Variants in JAKMIP3 observed in about 807,000 individuals in gnomAD.
JAKMIP3 encodes the protein Janus kinase and microtubule interacting protein 3.
A neutral mutation model predicts 118.5 loss-of-function variants in JAKMIP3; 58 were observed. The ratio of observed to expected loss-of-function variants is 0.49; its 90% confidence interval spans 0.40 to 0.61. The LOEUF (loss-of-function observed/expected upper bound fraction) is 0.61, where lower values mean the gene tolerates loss of function less well. Ranked by LOEUF, JAKMIP3 falls within the 20% of genes least tolerant of loss-of-function variation. JAKMIP3 has a pLI of 0.00. For missense variants in JAKMIP3, 950 were observed against 1,109.0 expected, an observed-to-expected ratio of 0.86 and a Z score of 2.04; for synonymous variants, 486 against 451.2, an observed-to-expected ratio of 1.08 and a Z score of -0.98.
At chr10:132,102,826 A>G (rs952322574) in intron 1 of JAKMIP3, among the ~76,000 whole-genome samples, 3 of 152,006 alleles carry the variant, frequency 2.0e-5, no homozygotes, top group African/African-American at 7.2e-5. Context: ...TCTCCCTCCC[A>G]TGGTCCTGTG....
rs1476514901 is a variant in JAKMIP3 at position 132,168,325 on chromosome 10, T to C, written c.*395T>C. 11 of 1,289,362 alleles carry C rather than the reference T, an allele frequency of 8.5e-6. No homozygotes were observed. The highest frequency in any genetic ancestry group is 1.1e-5 in the Non-Finnish European group (11 of 988,814). 79.9% of individuals were successfully genotyped at this position (1,289,362 alleles called of 1,614,324 possible). A position where few individuals can be genotyped will look rare whatever the true frequency, so the allele number is the denominator to read the frequency against. Reference sequence around the variant, plus strand: ...CCAGCCGCGGGTCCCCTCCTCTCTCTTGGTTCTCACAGTAGCTGCCACTGG... The same window carrying C: ...CCAGCCGCGGGTCCCCTCCTCTCTCCTGGTTCTCACAGTAGCTGCCACTGG... On this transcript the variant is annotated 3_prime_UTR_variant, in exon 23 of 24. Transcript: ENST00000684848.
Position 132,040,435 on chromosome 10 carries a change from A to G in JAKMIP3, c.-138+3697A>G, listed in dbSNP as rs74161713. 4.2e-3 allele frequency among the ~76,000 whole-genome samples: 632 copies of G among 151,720 alleles called. 3 individuals are homozygous for G. Among genetic ancestry groups the G allele is most frequent in the African/African-American group, 0.014 (598 of 41,368 alleles). Reference sequence around the variant, plus strand: ...CTATACATCTGCTGGCTGCCTGCTGACCTCCTGACCGCTGATGGGTTTGCA... The same window carrying G: ...CTATACATCTGCTGGCTGCCTGCTGGCCTCCTGACCGCTGATGGGTTTGCA... On this transcript the variant is annotated intron_variant, in intron 1 of 23. Coordinates refer to the JAKMIP3 transcript ENST00000657785.
At chr10:132,066,168 G>A (rs1011738794) in intron 1 of JAKMIP3, among the ~76,000 whole-genome samples, 107 bp downstream of exon 1, 2 of 152,220 alleles carry the variant, frequency 1.3e-5, no homozygotes, top group Non-Finnish European at 2.9e-5. Context: ...GTGCGCACAC[G>A]TATGTGGCTG....
chr10:132,159,750 GCC>G (rs2057759436), intron 19 of JAKMIP3, among the ~76,000 whole-genome samples: 1 of 56,272 alleles, frequency 1.8e-5, no homozygotes, highest in Non-Finnish European at 3.0e-5. Flanking sequence ...TACTGGGGGG[GCC>G]TCTTCCTGTG....
chr10:132,103,321 ACAT>A (rs141054570), intron 1 of JAKMIP3, among the ~76,000 whole-genome samples: 33,858 of 149,628 alleles, frequency 0.23, 4,447 homozygotes, highest in African/African-American at 0.37. Flanking sequence ...GGAGCATCTG[ACAT>A]AGGAGCTGGG....
At chr10:132,152,552 C>A (rs962119351) in intron 16 of JAKMIP3, among the ~76,000 whole-genome samples, 1 of 152,220 alleles carries the variant, frequency 6.6e-6, no homozygotes, top group African/African-American at 2.4e-5. Flanking sequence ...CCACTGTTCC[C>A]AAGTGGTGTT....
intron 3 of JAKMIP3, among the ~76,000 whole-genome samples, chr10:132,131,308 T>C (rs1381549290): frequency 7.7e-6 from 1 of 129,562 alleles, no homozygotes; most frequent in African/African-American, 3.0e-5. Flanking sequence ...TAGGAGCTTA[T>C]GGGGTGAGTG....
At chr10:132,127,139 T>C (rs1309576175) in intron 3 of JAKMIP3, among the ~76,000 whole-genome samples, 1 of 152,158 alleles carries the variant, frequency 6.6e-6, no homozygotes, top group East Asian at 1.9e-4. Flanking sequence ...TTATGTTTAT[T>C]TTTATGTTAA....
At chr10:132,076,193 C>T (rs1200705790) in intron 1 of JAKMIP3, among the ~76,000 whole-genome samples, 2 of 152,124 alleles carry the variant, frequency 1.3e-5, no homozygotes, top group African/African-American at 2.4e-5. Flanking sequence ...CTGACAGCCA[C>T]GCATCTCCCT....
chr10:132,059,495 C>T (rs1030026745), intron 1 of JAKMIP3, among the ~76,000 whole-genome samples: 10 of 152,242 alleles, frequency 6.6e-5, no homozygotes, highest in African/African-American at 1.4e-4. Flanking sequence ...ATGACCCAGC[C>T]GCCCTGTGCA....
At position 132,145,149 on chromosome 10, in the gene JAKMIP3, C is replaced by T. The variant is rs761765135; in HGVS notation, c.1645C>T (p.Arg549Trp). 44 of 1,612,340 alleles carry T rather than the reference C, an allele frequency of 2.7e-5. No individual in the cohort carries two copies. Among genetic ancestry groups the T allele is most frequent in the Middle Eastern group, 1.6e-4 (1 of 6,080 alleles). Residue 549 changes from arginine (R) to tryptophan (W), a missense_variant, in exon 12 of 24, where the codon CGG becomes TGG. Coordinates refer to ENST00000684848, the MANE Select transcript of JAKMIP3 (RefSeq NM_001323087.2). ...LQAEVQRAQARIEDLEKALAE... is the reference protein window; with the variant it reads ...LQAEVQRAQAWIEDLEKALAE... ...AGCCGAAGTGCAGAGGGCACAGGCGCGGATAGAGGACCTGGAGAAGGCCCT... is the reference window on the plus strand; with the variant it reads ...AGCCGAAGTGCAGAGGGCACAGGCGTGGATAGAGGACCTGGAGAAGGCCCT...
intron 2 of JAKMIP3, among the ~76,000 whole-genome samples, chr10:132,106,265 G>T (rs2045885834): frequency 6.6e-6 from 1 of 152,080 alleles, no homozygotes; most frequent in Non-Finnish European, 1.5e-5. Flanking sequence ...TTGAGTCTAG[G>T]AGGTTGAGGC....
chr10:132,071,844 T>TATTTCTTTC (rs2039935800), intron 1 of JAKMIP3, among the ~76,000 whole-genome samples: 1 of 143,200 alleles, frequency 7.0e-6, no homozygotes, highest in Non-Finnish European at 1.5e-5. Flanking sequence ...CCCTTTCCTT[T>TATTTCTTTC]CTTTCTTTCC....
rs147558690 is a variant in JAKMIP3, at chr10:132,040,322, G to A, written c.-138+3584G>A. Among the ~76,000 whole-genome samples the A allele has an allele frequency of 3.3e-3, 500 of 152,230 alleles. 4 individuals carry two copies. The highest frequency in any genetic ancestry group is 0.012 in the African/African-American group (483 of 41,540). Reference sequence around the variant, plus strand: ...CTCAGACTTCCAGCTCCAGAACTGCGAGAAATGTCTTGTTTAGGCTGCCTG... The same window carrying A: ...CTCAGACTTCCAGCTCCAGAACTGCAAGAAATGTCTTGTTTAGGCTGCCTG... On this transcript the variant is annotated intron_variant, in intron 1 of 23. Transcript: ENST00000657785.
chr10:132,103,392 GGAGGAGCACCTGGGGGA>G (rs1460835919), intron 1 of JAKMIP3, among the ~76,000 whole-genome samples: 8 of 145,142 alleles, frequency 5.5e-5, no homozygotes, highest in Admixed American at 2.7e-4. Context: ...TCAGAGACGG[GGAGGAGCACCTGGGGGA>G]GAGGAGCAGC....
intron 1 of JAKMIP3, among the ~76,000 whole-genome samples, chr10:132,103,045 G>T (rs1207051284): frequency 1.3e-5 from 2 of 151,872 alleles, no homozygotes; most frequent in East Asian, 3.9e-4. Flanking sequence ...CAGGAGTTGT[G>T]GGGGTGGGGG....
chr10:132,061,277 A>T (rs2038390550), upstream of JAKMIP3, among the ~76,000 whole-genome samples: 1 of 151,402 alleles, frequency 6.6e-6, no homozygotes, highest in Non-Finnish European at 1.5e-5. Context: ...GCGCGCACAC[A>T]CACCTGCCGT....
intron 3 of JAKMIP3, among the ~76,000 whole-genome samples, chr10:132,128,151 T>C (rs2049967569): frequency 1.3e-5 from 2 of 152,266 alleles, no homozygotes; most frequent in Non-Finnish European, 2.9e-5. Flanking sequence ...TTGACTTGCC[T>C]TCATTTCCAA....
At chr10:132,127,692 C>T (rs369998969) in intron 3 of JAKMIP3, among the ~76,000 whole-genome samples, 2 of 152,200 alleles carry the variant, frequency 1.3e-5, no homozygotes, top group East Asian at 3.9e-4. Context: ...CTCCCTCCCT[C>T]GTCTTGCCTC....
Sources: gnomAD v4.1 joint callset for allele counts (sites outside exome capture counted in the v4.1 genomes callset) on GRCh38, gnomAD v4.1.1 for gene constraint, MANE v1.5 for transcripts, NCBI Gene and HGNC (gene_info 2026-07-23, HGNC 2026-07-21) for gene names.